Variants in COL4A4 observed in about 807,000 individuals in gnomAD.
COL4A4 encodes collagen alpha-4(IV) chain.
COL4A4 carries 105 observed loss-of-function variants against 192.9 expected under a neutral mutation model. That is an observed-to-expected ratio of 0.54 (90% CI 0.46 to 0.64). COL4A4 has a LOEUF of 0.64. COL4A4 is among the 30% of genes least tolerant of loss of function. The pLI, the probability that COL4A4 is intolerant of heterozygous loss-of-function variation, is 0.00. For missense variants in COL4A4, 1,967 were observed against 2,169.3 expected (o/e 0.91, Z 1.85); for synonymous variants, 762 against 769.9 (o/e 0.99, Z 0.17).
chr2:227,116,731 G>T (rs2061509518), intron 7 of COL4A4, among the ~76,000 whole-genome samples: 1 of 152,208 alleles, frequency 6.6e-6, no homozygotes, highest in Non-Finnish European at 1.5e-5. Flanking sequence ...AACCAGGAAA[G>T]TGGTTGTGAT....
chr2:227,100,807 TC>T (rs1172036789), intron 17 of COL4A4, among the ~76,000 whole-genome samples: 15 of 144,964 alleles, frequency 1.0e-4, no homozygotes, highest in African/African-American at 4.1e-4. Flanking sequence ...CCTGCGCTAT[TC>T]TTTTTTTTTT....
rs71036155 is a variant in COL4A4, at chr2:227,047,731, CCA to C, written c.3215-184_3215-183del. Among the ~76,000 whole-genome samples the C allele has an allele frequency of 5.8e-3, 849 of 146,218 alleles. 9 individuals carry two copies. The highest frequency in any genetic ancestry group is 0.032 in the East Asian group (159 of 4,938). On this transcript the variant is annotated intron_variant, in intron 34 of 47. Transcript: ENST00000396625. ...ATAGATGCAAGATGCAATTTACATA[CCA>C]CACACACACACACACACACACACAC... is the stretch of plus-strand genomic sequence containing the variant.
chr2:227,020,449 A>G (rs955247967), intron 44 of COL4A4, among the ~76,000 whole-genome samples: 24 of 152,340 alleles, frequency 1.6e-4, no homozygotes, highest in Middle Eastern at 3.4e-3. Flanking sequence ...GCAATGCAAT[A>G]AACACACACA....
downstream of COL4A4, chr2:226,999,089 T>C (rs1180786393): frequency 6.6e-6 from 1 of 152,268 alleles, no homozygotes; most frequent in Non-Finnish European, 1.5e-5. Context: ...TGTCTTTGTC[T>C]TTAAATTGTA....
Position 227,080,439 on chromosome 2 carries a change from A to C in COL4A4, c.1803+4T>G. ...TTCTATAGCAAGAGAAGAATTCTAC[A>C]TACTGGAGGTCCTGGATCCCCTTTT... On this transcript the variant is annotated splice_donor_region_variant and intron_variant, in intron 24 of 47. Coordinates refer to ENST00000396625, the MANE Select transcript of COL4A4 (RefSeq NM_000092.5). 2 of 1,611,130 alleles carry C rather than the reference A, an allele frequency of 1.2e-6. No homozygotes were observed. The highest frequency in any genetic ancestry group is 2.2e-5 in the South Asian group (2 of 91,010).
At chr2:227,072,592 T>TAC (rs146485966) in intron 25 of COL4A4, among the ~76,000 whole-genome samples, 61 of 150,264 alleles carry the variant, frequency 4.1e-4, no homozygotes, top group Middle Eastern at 3.4e-3. Flanking sequence ...CAGGAAAAGA[T>TAC]ACACACACAC....
At chr2:227,156,578 T>C (rs1024444974) in intron 1 of COL4A4, among the ~76,000 whole-genome samples, 2 of 152,044 alleles carry the variant, frequency 1.3e-5, no homozygotes, top group Non-Finnish European at 2.9e-5. Flanking sequence ...GATAAATTTT[T>C]CAGTTAGTTA....
chr2:226,984,847 A>G, the COL4A4 span, among the ~76,000 whole-genome samples: 3 of 148,458 alleles, frequency 2.0e-5, no homozygotes, highest in Admixed American at 6.8e-5. Context: ...ACTCTGAACC[A>G]GGCATCAGGC....
intron 37 of COL4A4, among the ~76,000 whole-genome samples, chr2:227,041,380 C>T (rs967928611): frequency 1.3e-5 from 2 of 152,050 alleles, no homozygotes; most frequent in African/African-American, 4.8e-5. Flanking sequence ...CAACCGGGCG[C>T]TCACATCCTA....
the COL4A4 span, among the ~76,000 whole-genome samples, chr2:226,990,174 G>T: frequency 6.6e-6 from 1 of 152,140 alleles, no homozygotes; most frequent in Non-Finnish European, 1.5e-5. Context: ...TTCATGTCTT[G>T]CTAAATTGTT....
chr2:227,120,519 G>A (rs2061717205), intron 5 of COL4A4, among the ~76,000 whole-genome samples: 1 of 152,122 alleles, frequency 6.6e-6, no homozygotes, highest in Non-Finnish European at 1.5e-5. Context: ...GTACACACAT[G>A]TATTTAAAGG....
intron 25 of COL4A4, among the ~76,000 whole-genome samples, chr2:227,064,171 C>G (rs1167589611): frequency 6.6e-6 from 1 of 151,890 alleles, no homozygotes; most frequent in South Asian, 2.1e-4. Flanking sequence ...ATTTAAAAAG[C>G]AATTCAGGAT....
chr2:227,125,866 A>T (rs1218531667), intron 4 of COL4A4, among the ~76,000 whole-genome samples: 1 of 152,064 alleles, frequency 6.6e-6, no homozygotes, highest in Admixed American at 6.5e-5. Context: ...TGTCCCTCCC[A>T]AGCCCACAGC....
intron 4 of COL4A4, among the ~76,000 whole-genome samples, chr2:227,122,000 T>G (rs1351511247): frequency 6.6e-6 from 1 of 152,260 alleles, no homozygotes; most frequent in East Asian, 1.9e-4. Flanking sequence ...ATTTCTTTTT[T>G]GGCTGCTTTT....
chr2:226,988,560 G>T, the COL4A4 span: 1 of 1,390,698 alleles, frequency 7.2e-7, no homozygotes. Context: ...CTGCGGACTG[G>T]TGTGGAATCT....
intron 4 of COL4A4, among the ~76,000 whole-genome samples, chr2:227,129,647 G>T (rs1165119922): frequency 6.6e-6 from 1 of 152,076 alleles, no homozygotes; most frequent in Non-Finnish European, 1.5e-5. Flanking sequence ...GACCTCAAGT[G>T]ATCCGCCCCC....
intron 25 of COL4A4, among the ~76,000 whole-genome samples, chr2:227,069,357 G>GA (rs1203782542): frequency 2.6e-5 from 4 of 151,946 alleles, no homozygotes; most frequent in African/African-American, 4.8e-5. Context: ...CACAGAATTG[G>GA]AAAAAAACTA....
In COL4A4 at chr2:227,123,841, T is replaced by C. The variant is rs75100244; in HGVS notation, c.193-2693A>G. 0.024 allele frequency among the ~76,000 whole-genome samples: 3,661 copies of C among 152,262 alleles called. 132 individuals carry two copies. The highest frequency in any genetic ancestry group is 0.082 in the African/African-American group (3,420 of 41,538). The stretch of plus-strand genomic sequence containing the variant: ...ACATAGAACATCCTCCCCAAGCTCA[T>C]GAGGGAGAAACAGAGTGAGCACCCA... On this transcript the variant is annotated intron_variant, in intron 4 of 47. Transcript: ENST00000396625. The surrounding 1 kb of genome is among the most constrained non-coding windows in gnomAD (Gnocchi z 4.6).
intron 27 of COL4A4, 138 bp from the exon 28 acceptor site, chr2:227,059,761 A>T: frequency 2.7e-6 from 2 of 742,292 alleles, no homozygotes; most frequent in Non-Finnish European, 4.6e-6. Flanking sequence ...TTTAACAGTA[A>T]TGTTGTTTTG....
Sources: allele counts gnomAD v4.1 joint callset (sites outside exome capture counted in the v4.1 genomes callset), GRCh38; gene constraint gnomAD v4.1.1; non-coding constraint Gnocchi (gnomAD v3.1); transcripts MANE v1.5; gene names NCBI Gene and HGNC (gene_info 2026-07-23, HGNC 2026-07-21).